Variants in FOCAD observed in about 807,000 individuals in gnomAD.
The protein encoded by FOCAD is focadhesin.
Under a neutral mutation model 225.6 loss-of-function variants are expected in FOCAD, and 198 were observed. The ratio of observed to expected loss-of-function variants is 0.88; its 90% CI spans 0.78 to 0.99. FOCAD has a LOEUF of 0.99. FOCAD is among the 50% of genes least tolerant of loss of function. FOCAD has a pLI of 0.00. For missense variants in FOCAD, 2,713 were observed against 2,123.6 expected, an observed-to-expected ratio of 1.28 and a Z score of -5.46; for synonymous variants, 897 against 755.0, an observed-to-expected ratio of 1.19 and a Z score of -3.08.
intron 5 of FOCAD, among the ~76,000 whole-genome samples, chr9:20,745,806 G>A (rs1827993764): frequency 6.6e-6 from 1 of 152,160 alleles, no homozygotes; most frequent in African/African-American, 2.4e-5. Flanking sequence ...TGAAATAAGG[G>A]AATATTAAAT....
chr9:20,908,335 A>G (rs913873138), intron 22 of FOCAD, among the ~76,000 whole-genome samples: 1 of 152,034 alleles, frequency 6.6e-6, no homozygotes. Context: ...ATGGGGTGAG[A>G]GGAATGACTG....
intron 15 of FOCAD, among the ~76,000 whole-genome samples, chr9:20,824,390 A>G (rs961364450): frequency 6.6e-6 from 1 of 152,096 alleles, no homozygotes; most frequent in Non-Finnish European, 1.5e-5. Flanking sequence ...AACAGGCATC[A>G]ACTAATTTCT....
chr9:20,867,077 C>T, intron 18 of FOCAD, 65 bp downstream of exon 18: 2 of 1,055,924 alleles, frequency 1.9e-6, no homozygotes, highest in Non-Finnish European at 2.9e-6. Context: ...TTTTCTCTCT[C>T]ATCTTAGGAG....
At chr9:20,943,478 G>A (rs1310165222) in intron 28 of FOCAD, among the ~76,000 whole-genome samples, 2 of 152,092 alleles carry the variant, frequency 1.3e-5, no homozygotes, top group South Asian at 2.1e-4. Context: ...TGTATTGGCC[G>A]TGCTCTGCTG....
chr9:20,820,425 G>C lies in FOCAD; in HGVS notation c.1662G>C (p.Gln554His). Residue 554 changes from glutamine (Q) to histidine (H), a missense_variant and splice_region_variant, in exon 13 of 44, where the codon CAG (glutamine) becomes CAC (histidine). Coordinates refer to ENST00000338382, the MANE Select transcript of FOCAD (RefSeq NM_001375567.1). The stretch of plus-strand genomic sequence containing the variant: ...TGCTGACATCTTTGTGGGAAAAGCA[G>C]GTAATTTCAGATATACACTTGCATG... ...LRLLTSLWEK[Q>H]DRVYPELQRF... The C allele has an allele frequency of 1.2e-6, 2 of 1,611,028 alleles. No individual in the cohort carries two copies. The highest frequency in any genetic ancestry group is 8.5e-7 in the Non-Finnish European group (1 of 1,178,034).
rs1351016252 is a variant in FOCAD at position 20,790,167 on chromosome 9, G to A, written c.1455+559G>A. The stretch of plus-strand genomic sequence containing the variant: ...TTCTTCCTAACTGCACAGAACTTAG[G>A]ATGTAATGAGAAAGCAGTCAGGCAT... On this transcript the variant is annotated intron_variant, in intron 11 of 43. Transcript: ENST00000338382. 2.6e-5 allele frequency among the ~76,000 whole-genome samples: 4 copies of A among 152,282 alleles called. No homozygotes were observed. In the East Asian group the frequency reaches 7.7e-4, roughly 29 times the overall value.
At position 20,688,656 on chromosome 9, in the gene FOCAD, G is replaced by T. The variant is rs552868544; in HGVS notation, c.-33+4363G>T. ...AGAAAGAATAAAGCAGAAGGGAAAC[G>T]CTGGGAAACACTACCCTGTAGGAAA... On this transcript the variant is annotated intron_variant, in intron 1 of 43. Transcript: ENST00000338382. Among the ~76,000 whole-genome samples the T allele has an allele frequency of 2.4e-4, 37 of 152,280 alleles. No homozygotes were observed. The South Asian group carries it at 5.2e-3, about 21-fold the overall frequency.
At chr9:20,815,385 TC>T (rs1189568052) in intron 11 of FOCAD, among the ~76,000 whole-genome samples, 1 of 151,154 alleles carries the variant, frequency 6.6e-6, no homozygotes, top group Non-Finnish European at 1.5e-5. Context: ...TCTCAGGTGA[TC>T]CTAACACCTC....
chr9:20,932,325 G>T (rs1587649607), intron 27 of FOCAD, among the ~76,000 whole-genome samples: 1 of 152,114 alleles, frequency 6.6e-6, no homozygotes. Context: ...ACCATGATCT[G>T]AAGTAGCAAT....
At chr9:20,907,420 A>T (rs1651848520) in intron 22 of FOCAD, among the ~76,000 whole-genome samples, 178 bp downstream of exon 22, 1 of 152,038 alleles carries the variant, frequency 6.6e-6, no homozygotes, top group Admixed American at 6.6e-5. Context: ...GCACTTAAAC[A>T]TCAATGCCCC....
chr9:20,782,900 A>G (rs1819521451), intron 10 of FOCAD, among the ~76,000 whole-genome samples: 1 of 152,246 alleles, frequency 6.6e-6, no homozygotes, highest in African/African-American at 2.4e-5. Flanking sequence ...ACAGCTTCCT[A>G]AATCCTAATT....
intron 10 of FOCAD, among the ~76,000 whole-genome samples, chr9:20,789,073 A>G (rs1461381230): frequency 6.6e-6 from 1 of 151,962 alleles, no homozygotes; most frequent in African/African-American, 2.4e-5. Context: ...TGGATTTTGT[A>G]TATTGATCCA....
intron 10 of FOCAD, among the ~76,000 whole-genome samples, chr9:20,787,668 C>T (rs545108604): frequency 3.3e-5 from 5 of 152,102 alleles, no homozygotes; most frequent in Non-Finnish European, 7.4e-5. Context: ...TGAATGCAGC[C>T]TTCTTGCCTT....
At chr9:20,965,507 C>T (rs1238867247) in intron 35 of FOCAD, among the ~76,000 whole-genome samples, 3 of 152,100 alleles carry the variant, frequency 2.0e-5, no homozygotes, top group East Asian at 1.9e-4. Context: ...CTCATCCATC[C>T]CTTTCTAAGC....
chr9:20,696,668 G>C (rs1031210021), intron 1 of FOCAD, among the ~76,000 whole-genome samples: 1 of 152,178 alleles, frequency 6.6e-6, no homozygotes, highest in African/African-American at 2.4e-5. Flanking sequence ...AGCTGGGCAT[G>C]GTGGCGCAAG....
intron 28 of FOCAD, among the ~76,000 whole-genome samples, chr9:20,937,408 T>C (rs934277542): frequency 2.6e-5 from 4 of 151,970 alleles, no homozygotes; most frequent in African/African-American, 4.8e-5. Context: ...AGAACAGAGC[T>C]CTCAGAAATA....
chr9:20,993,347 A>G lies in FOCAD; in HGVS notation c.5332+19A>G. ...TTGAAAGGTATTACTTCCATGTTTT[A>G]TGCTCAACATAGGGGAAAAACCATT... On this transcript the variant is annotated intron_variant, in intron 43 of 43. Transcript: ENST00000338382. The G allele has an allele frequency of 1.3e-6, 2 of 1,593,944 alleles. No homozygotes were observed. The highest frequency in any genetic ancestry group is 1.7e-6 in the Non-Finnish European group (2 of 1,162,096).
intron 41 of FOCAD, 90 bp downstream of exon 41, chr9:20,988,519 T>TG (rs1841384975): frequency 6.1e-6 from 2 of 325,756 alleles, no homozygotes; most frequent in South Asian, 9.8e-5. Flanking sequence ...TGCCATTAAT[T>TG]GGCAAAAACT....
At chr9:20,838,283 T>A (rs75643922) in intron 15 of FOCAD, among the ~76,000 whole-genome samples, 238 of 151,984 alleles carry the variant, frequency 1.6e-3, no homozygotes, top group African/African-American at 5.1e-3. Context: ...TTTTTTTTTT[T>A]AATTTTGAGC....
Sources: gnomAD v4.1 joint callset for allele counts (sites outside exome capture counted in the v4.1 genomes callset) on GRCh38, gnomAD v4.1.1 for gene constraint, MANE v1.5 for transcripts, NCBI Gene and HGNC (gene_info 2026-07-23, HGNC 2026-07-21) for gene names.